PIAS2: variants seen among roughly 807,000 people sequenced by gnomAD.
The protein encoded by PIAS2 is protein inhibitor of activated STAT 2.
PIAS2 carries 19 observed loss-of-function variants against 69.7 expected under a neutral mutation model. The ratio of observed to expected loss-of-function variants is 0.27; its 90% CI spans 0.19 to 0.40. PIAS2 has a LOEUF of 0.40. Ranked by LOEUF, PIAS2 falls within the 10% of genes least tolerant of loss-of-function variation. PIAS2 has a pLI of 1.00. For synonymous variants in PIAS2, 261 were observed against 263.2 expected (o/e 0.99, Z 0.08); for missense variants, 624 against 757.0 (o/e 0.82, Z 2.06).
At chr18:46,901,170 C>T (rs1202476986) in intron 1 of PIAS2, 1 of 340,264 alleles carries the variant, frequency 2.9e-6, no homozygotes, top group Non-Finnish European at 5.7e-6. Context: ...GTAATCTCAG[C>T]ACTTTGGGAG....
At chr18:46,874,615 A>G (rs545140541) in intron 2 of PIAS2, among the ~76,000 whole-genome samples, 1 of 152,280 alleles carries the variant, frequency 6.6e-6, no homozygotes, top group East Asian at 1.9e-4. Flanking sequence ...GAGGGTCTGA[A>G]CTACCCCTCG....
intron 9 of PIAS2, among the ~76,000 whole-genome samples, chr18:46,834,829 G>A (rs1174380368): frequency 6.6e-6 from 1 of 152,230 alleles, no homozygotes; most frequent in African/African-American, 2.4e-5. Context: ...TAAGAGGGCT[G>A]AGAAGTGGAC....
intron 12 of PIAS2, chr18:46,817,321 C>G: frequency 6.1e-6 from 6 of 983,040 alleles, no homozygotes; most frequent in Non-Finnish European, 7.2e-6. Flanking sequence ...TCTAAATGTT[C>G]AACTATTTCA....
chr18:46,870,170 A>C (rs970671798), intron 2 of PIAS2, among the ~76,000 whole-genome samples: 1 of 151,900 alleles, frequency 6.6e-6, no homozygotes, highest in African/African-American at 2.4e-5. Flanking sequence ...GAGACAGAAC[A>C]GTGTAAAAAG....
At chr18:46,901,235 T>G (rs1024659986) in intron 1 of PIAS2, 1 of 403,544 alleles carries the variant, frequency 2.5e-6, no homozygotes, top group East Asian at 8.7e-5. Context: ...CTGACCAACA[T>G]GGAGAACCCC....
chr18:46,804,329 G>A lies in PIAS2; in HGVS notation c.*8104C>T, dbSNP rs1046348846. 1 of 152,168 alleles carries A rather than the reference G, an allele frequency of 6.6e-6. No individual in the cohort carries two copies. Among genetic ancestry groups the A allele is most frequent in the African/African-American group, 2.4e-5 (1 of 41,444 alleles). The allele number at this position is 152,168 out of a possible 1,614,324, so 9.4% of individuals were successfully genotyped here. On this transcript the variant is annotated 3_prime_UTR_variant, in exon 14 of 14. Coordinates refer to ENST00000585916, the MANE Select transcript of PIAS2 (RefSeq NM_004671.5). ...GGAACACTTGCTTTTTAGATAGAATGATCAAGAAAGGCCTCTGAGAAAGTA... is the reference window on the plus strand; with the variant it reads ...GGAACACTTGCTTTTTAGATAGAATAATCAAGAAAGGCCTCTGAGAAAGTA...
In PIAS2 at chr18:46,865,261, C is replaced by T. The variant is rs2049255346; in HGVS notation, c.500-1013G>A. Among the ~76,000 whole-genome samples the T allele has an allele frequency of 3.9e-5, 6 of 152,006 alleles. No homozygotes were observed. The South Asian group carries it at 1.2e-3, about 32-fold the overall frequency. ...CACCCAAGTAAAGGCAAAATGAGGC[C>T]GGGCACAGTGGCTCACACGTGTAAT... On this transcript the variant is annotated intron_variant, in intron 2 of 13. Transcript: ENST00000585916.
intron 5 of PIAS2, among the ~76,000 whole-genome samples, chr18:46,848,336 T>C (rs994654046): frequency 6.6e-6 from 1 of 152,186 alleles, no homozygotes; most frequent in Non-Finnish European, 1.5e-5. Flanking sequence ...TCTCAAAATG[T>C]CCTTAAATTA....
Position 46,890,635 on chromosome 18 carries a change from T to G in PIAS2, c.444A>C (p.Leu148Phe). Residue 148 changes from leucine to phenylalanine, a missense_variant, in exon 2 of 14, where the codon TTA becomes TTC. This residue lies in a region of PIAS2 where 339 missense variants were observed against 408.8 expected (regional missense o/e 0.83). Coordinates refer to ENST00000585916, the MANE Select transcript of PIAS2 (RefSeq NM_004671.5). The part of the protein sequence containing the change: ...PIPPVHPDVQ[L>F]KNLPFYDVLD... ...GGACATCATAAAAGGGCAGATTTTTTAACTGCACATCAGGATGGACAGGAG... is the reference window on the plus strand; with the variant it reads ...GGACATCATAAAAGGGCAGATTTTTGAACTGCACATCAGGATGGACAGGAG... The G allele has an allele frequency of 6.2e-7, 1 of 1,614,172 alleles. No homozygotes were observed. The highest frequency in any genetic ancestry group is 8.5e-7 in the Non-Finnish European group (1 of 1,180,012).
intron 9 of PIAS2, among the ~76,000 whole-genome samples, chr18:46,832,076 A>G (rs902905147): frequency 7.9e-5 from 12 of 152,214 alleles, no homozygotes; most frequent in African/African-American, 1.7e-4. Flanking sequence ...TCCAGAATAC[A>G]TAAGAACCAC....
upstream of PIAS2, chr18:46,917,566 T>C (rs1457506556): frequency 1.1e-5 from 12 of 1,096,030 alleles, no homozygotes; most frequent in African/African-American, 1.7e-5. Flanking sequence ...CGGTGCCCCC[T>C]GCCCACCCGC....
At chr18:46,919,005 ATATG>A (rs1555817379), upstream of PIAS2, among the ~76,000 whole-genome samples, 92 of 147,294 alleles carry the variant, frequency 6.2e-4, no homozygotes, top group Admixed American at 1.5e-3. Flanking sequence ...GTATATATAT[ATATG>A]TGTGTGTGTG....
In PIAS2 at chr18:46,854,279, T is replaced by C. The variant is rs143042987; in HGVS notation, c.726+1066A>G. Among the ~76,000 whole-genome samples, 51 of 152,298 alleles carry C rather than the reference T, an allele frequency of 3.3e-4. 1 individual carries two copies. The highest frequency in any genetic ancestry group is 1.2e-3 in the African/African-American group (51 of 41,572). On this transcript the variant is annotated intron_variant, in intron 5 of 13. Transcript: ENST00000585916. ...CTACTCGTGAGTACTGCTCATATAT[T>C]AGTCCAGAGCCCAGTCTCGTGTTCA...
upstream of PIAS2, among the ~76,000 whole-genome samples, chr18:46,919,401 G>T (rs1256949121): frequency 1.3e-5 from 2 of 152,016 alleles, no homozygotes; most frequent in African/African-American, 2.4e-5. Context: ...CAGGAGAATC[G>T]CTTGAACCCT....
chr18:46,908,765 T>C (rs1429003853), intron 1 of PIAS2, among the ~76,000 whole-genome samples: 4 of 152,132 alleles, frequency 2.6e-5, no homozygotes, highest in Non-Finnish European at 4.4e-5. Flanking sequence ...TCCCAGCACT[T>C]TGGGAGACCA....
At chr18:46,844,153 ATT>A in intron 7 of PIAS2, 26 bp from the exon 8 acceptor site, 1 of 1,246,382 alleles carries the variant, frequency 8.0e-7, no homozygotes, top group Non-Finnish European at 1.1e-6. Context: ...AAAAAAAAAA[ATT>A]TAAAAAAATT....
intron 1 of PIAS2, 86 bp downstream of exon 1, chr18:46,917,236 A>G: frequency 2.1e-6 from 3 of 1,406,490 alleles, no homozygotes; most frequent in Non-Finnish European, 2.8e-6. Flanking sequence ...CAGAGGCACG[A>G]GCAGGCGGCG....
chr18:46,883,253 CT>C, intron 2 of PIAS2, among the ~76,000 whole-genome samples: 1 of 152,210 alleles, frequency 6.6e-6, no homozygotes, highest in South Asian at 2.1e-4. Context: ...ATATTAACTA[CT>C]TTTGTAATCT....
chr18:46,827,937 A>T, intron 11 of PIAS2, 22 bp downstream of exon 11: 1 of 1,607,840 alleles, frequency 6.2e-7, no homozygotes, highest in Non-Finnish European at 8.5e-7. Context: ...AATGAACAAT[A>T]GTGAACTATA....
Sources: gnomAD v4.1 joint callset for allele counts (sites outside exome capture counted in the v4.1 genomes callset) on GRCh38, gnomAD v4.1.1 for gene constraint, gnomAD v4.1.1 regional missense constraint, MANE v1.5 for transcripts, NCBI Gene and HGNC (gene_info 2026-07-23, HGNC 2026-07-21) for gene names.